Variants in NELL2 observed in about 807,000 individuals in gnomAD.
NELL2 encodes the protein protein kinase C-binding protein NELL2.
Under a neutral mutation model 109.6 loss-of-function variants are expected in NELL2, and 41 were observed. That is an observed-to-expected ratio of 0.37 (90% CI 0.29 to 0.49). The LOEUF is 0.49. Among genes scored for constraint, NELL2 ranks in the 20% least tolerant of loss-of-function variants. NELL2 has a pLI of 0.98. For missense variants in NELL2, 900 were observed against 1,008.3 expected (o/e 0.89, Z 1.45); for synonymous variants, 355 against 344.7 (o/e 1.03, Z -0.33).
intron 15 of NELL2, among the ~76,000 whole-genome samples, chr12:44,591,634 G>C (rs983649222): frequency 6.6e-6 from 1 of 152,174 alleles, no homozygotes; most frequent in South Asian, 2.1e-4. Context: ...GGGATAGAAA[G>C]AGGTTGTTTA....
chr12:44,919,706 A>G (rs1945855176), intron 1 of NELL2, among the ~76,000 whole-genome samples: 1 of 152,178 alleles, frequency 6.6e-6, no homozygotes, highest in South Asian at 2.1e-4. Flanking sequence ...GAGGCATGGA[A>G]TCGATTCTCT....
At chr12:44,902,176 T>C (rs745364803) in intron 1 of NELL2, among the ~76,000 whole-genome samples, 23 of 152,352 alleles carry the variant, frequency 1.5e-4, no homozygotes, top group Non-Finnish European at 2.6e-4. Context: ...CAAAAACTCC[T>C]TGAGCTGATA....
At chr12:44,610,809 A>T in intron 14 of NELL2, 39 bp downstream of exon 14, 1 of 1,612,098 alleles carries the variant, frequency 6.2e-7, no homozygotes, top group Non-Finnish European at 8.5e-7. Flanking sequence ...GGATGGCATT[A>T]TACATAATGG....
chr12:44,898,242 C>T (rs980534527), intron 1 of NELL2, among the ~76,000 whole-genome samples: 1 of 152,192 alleles, frequency 6.6e-6, no homozygotes, highest in African/African-American at 2.4e-5. Flanking sequence ...TCTCCCAGCA[C>T]AGCACTCGAG....
chr12:44,909,512 A>G (rs1444113804), intron 1 of NELL2, among the ~76,000 whole-genome samples: 2 of 151,934 alleles, frequency 1.3e-5, no homozygotes, highest in Non-Finnish European at 2.9e-5. Context: ...TACCCATAGT[A>G]CCAAAAGCAA....
chr12:44,856,218 T>A (rs2710457), intron 2 of NELL2, among the ~76,000 whole-genome samples: 121,474 of 152,114 alleles, frequency 0.8, 48,955 homozygotes, highest in Middle Eastern at 0.94. Context: ...ATGCTCCCCA[T>A]CTTCTAAAAC....
At chr12:44,815,809 G>A (rs139284151) in intron 3 of NELL2, 177 bp downstream of exon 3, 2 of 561,270 alleles carry the variant, frequency 3.6e-6, no homozygotes, top group Non-Finnish European at 5.8e-6. Context: ...AGAAGAGACA[G>A]GGTTTCACCA....
intron 9 of NELL2, among the ~76,000 whole-genome samples, chr12:44,729,977 G>A (rs906061428): frequency 6.6e-6 from 1 of 151,956 alleles, no homozygotes; most frequent in African/African-American, 2.4e-5. Context: ...GTAGAGGCAG[G>A]GTTTCACCAT....
At chr12:44,814,729 G>A (rs571589162) in intron 3 of NELL2, among the ~76,000 whole-genome samples, 43 of 152,286 alleles carry the variant, frequency 2.8e-4, no homozygotes, top group African/African-American at 1.0e-3. Flanking sequence ...AGCCCCAAGA[G>A]CAAGCGAGAT....
At chr12:44,792,994 T>C (rs1184206482) in intron 3 of NELL2, among the ~76,000 whole-genome samples, 3 of 152,096 alleles carry the variant, frequency 2.0e-5, no homozygotes, top group Non-Finnish European at 4.4e-5. Flanking sequence ...ATATAGAAAA[T>C]GTAATACATC....
chr12:44,563,556 CTAAT>C (rs1220666110), intron 15 of NELL2, among the ~76,000 whole-genome samples: 1 of 152,096 alleles, frequency 6.6e-6, no homozygotes, highest in African/African-American at 2.4e-5. Flanking sequence ...AAGAGTGAGT[CTAAT>C]TAAGTAGATC....
intron 15 of NELL2, among the ~76,000 whole-genome samples, chr12:44,606,572 G>A (rs1490741637): frequency 6.6e-6 from 1 of 151,986 alleles, no homozygotes; most frequent in Non-Finnish European, 1.5e-5. Flanking sequence ...TTACTTTAGG[G>A]TTATAAGTTA....
At chr12:44,721,779 T>A (rs1032920464) in intron 9 of NELL2, among the ~76,000 whole-genome samples, 2 of 151,930 alleles carry the variant, frequency 1.3e-5, no homozygotes, top group South Asian at 4.2e-4. Context: ...TAAAAAAACA[T>A]TGAAAAAGTG....
chr12:44,774,908 T>C, intron 8 of NELL2, 59 bp from the exon 9 acceptor site: 1 of 1,340,944 alleles, frequency 7.5e-7, no homozygotes, highest in Non-Finnish European at 1.1e-6. Flanking sequence ...TTTTCAAGAA[T>C]TTTTGAATTC....
chr12:44,661,984 C>A (rs929695640), intron 13 of NELL2, among the ~76,000 whole-genome samples: 1 of 151,900 alleles, frequency 6.6e-6, no homozygotes, highest in Admixed American at 6.6e-5. Flanking sequence ...CCTTGTGATA[C>A]CCAGTATTTT....
At chr12:44,530,665 T>C (rs997105102) in intron 16 of NELL2, among the ~76,000 whole-genome samples, 17 of 152,226 alleles carry the variant, frequency 1.1e-4, no homozygotes, top group African/African-American at 4.1e-4. Flanking sequence ...TTGGATTGCT[T>C]GCTTTAGGGG....
intron 3 of NELL2, among the ~76,000 whole-genome samples, chr12:44,814,081 C>T (rs11182697): frequency 0.28 from 42,855 of 152,106 alleles, 6,794 homozygotes; most frequent in Non-Finnish European, 0.35. Context: ...AATACAAACA[C>T]TGACCATCTA....
intron 15 of NELL2, among the ~76,000 whole-genome samples, chr12:44,590,897 C>CAAAA (rs59621412): frequency 1.1e-3 from 144 of 135,180 alleles, no homozygotes; most frequent in African/African-American, 3.8e-3. Flanking sequence ...GCAGAATATA[C>CAAAA]AAAAAAAAAA....
In NELL2 at chr12:44,779,903, T is replaced by C; in HGVS notation, c.455A>G (p.Lys152Arg). 39 of 1,613,970 alleles carry C rather than the reference T, an allele frequency of 2.4e-5. No individual in the cohort carries two copies. The highest frequency in any genetic ancestry group is 3.3e-5 in the Non-Finnish European group (39 of 1,179,836). ...GGAAGCACTGATGGCTAAGGAGAGC[T>C]TGTGCCACTTGTCATCAGCCAAAAT... ...PYILADDKWHKLSLAISASHL... is the reference protein window; with the variant it reads ...PYILADDKWHRLSLAISASHL... The change falls in exon 4 of 20, where the codon AAG becomes AGG. Residue 152 changes from lysine to arginine, a missense_variant. Physicochemically the swap from Lys to Arg is conservative, Grantham distance 26 (BLOSUM62 2). Transcript: ENST00000429094.
Sources: gnomAD v4.1 joint callset for allele counts (sites outside exome capture counted in the v4.1 genomes callset) on GRCh38, gnomAD v4.1.1 for gene constraint, MANE v1.5 for transcripts, NCBI Gene and HGNC (gene_info 2026-07-23, HGNC 2026-07-21) for gene names.